Variants in FNBP1 observed in about 807,000 individuals in gnomAD.
FNBP1 encodes formin-binding protein 1.
A neutral mutation model predicts 90.6 loss-of-function variants in FNBP1; 26 were observed. The ratio of observed to expected loss-of-function variants is 0.29; its 90% CI spans 0.21 to 0.40. FNBP1 has a LOEUF of 0.40. Among genes scored for constraint, FNBP1 ranks in the 10% least tolerant of loss-of-function variants. The pLI is 1.00. For missense variants in FNBP1, 635 were observed against 768.0 expected, an observed-to-expected ratio of 0.83 and a Z score of 2.05; for synonymous variants, 260 against 265.2, an observed-to-expected ratio of 0.98 and a Z score of 0.19.
chr9:130,001,224 C>T lies in FNBP1; in HGVS notation c.25-6266G>A, dbSNP rs1047632961. On this transcript the variant is annotated intron_variant, in intron 1 of 16. Transcript: ENST00000446176. ...GCGGTCGCCTGTAATAACAGTTACT[C>T]GGGAGACTGAGATGGGAGAATTGCT... 4.0e-5 allele frequency among the ~76,000 whole-genome samples: 6 copies of T among 148,252 alleles called. No homozygotes were observed. The East Asian group carries it at 6.1e-4, about 15-fold the overall frequency.
chr9:129,901,232 G>C (rs7872816), intron 13 of FNBP1, among the ~76,000 whole-genome samples: 87,226 of 151,036 alleles, frequency 0.58, 25,352 homozygotes, highest in East Asian at 0.8. Context: ...ATGGTGAAAC[G>C]CTGTCTCTAC....
chr9:129,940,790 C>A (rs943765646), intron 6 of FNBP1, among the ~76,000 whole-genome samples: 2 of 151,868 alleles, frequency 1.3e-5, no homozygotes, highest in African/African-American at 4.8e-5. Context: ...CCACACCCAG[C>A]TAATTTTTGT....
chr9:129,969,564 C>G (rs1022880247), intron 4 of FNBP1, among the ~76,000 whole-genome samples: 1 of 152,012 alleles, frequency 6.6e-6, no homozygotes, highest in African/African-American at 2.4e-5. Context: ...AAATATTTTT[C>G]TTTCTTTTTT....
chr9:129,985,708 T>C (rs901645314), intron 2 of FNBP1, among the ~76,000 whole-genome samples: 1 of 151,914 alleles, frequency 6.6e-6, no homozygotes, highest in Non-Finnish European at 1.5e-5. Flanking sequence ...ATGCCTATAA[T>C]CCCAGCACTC....
At chr9:130,029,942 C>CCACT (rs1386778416) in intron 1 of FNBP1, among the ~76,000 whole-genome samples, 3 of 151,952 alleles carry the variant, frequency 2.0e-5, no homozygotes, top group Non-Finnish European at 4.4e-5. Flanking sequence ...CTTGATTGAG[C>CCACT]CACTGTACTC....
intron 2 of FNBP1, among the ~76,000 whole-genome samples, chr9:129,987,934 C>G (rs1278869398): frequency 2.6e-5 from 4 of 151,800 alleles, no homozygotes; most frequent in African/African-American, 4.8e-5. Context: ...ATGATTTCTA[C>G]CTAGTTACCC....
At chr9:130,050,812 GTGTTTTTTTTTTGTTTTTT>G in the FNBP1 span, among the ~76,000 whole-genome samples, 1 of 72,312 alleles carries the variant, frequency 1.4e-5, no homozygotes, top group African/African-American at 4.1e-5. Flanking sequence ...GCTAATTTTT[GTGTTTTTTTTTTGTTTTTT>G]TGTTTTTGTT....
intron 2 of FNBP1, among the ~76,000 whole-genome samples, chr9:129,987,826 C>T (rs1031668425): frequency 1.3e-5 from 2 of 151,912 alleles, no homozygotes; most frequent in African/African-American, 2.4e-5. Flanking sequence ...TAAAGCTTAG[C>T]GCATCCCTCA....
In FNBP1 at chr9:129,946,241, T is replaced by G. The variant is rs2045271575; in HGVS notation, c.513+11119A>C. On this transcript the variant is annotated intron_variant, in intron 6 of 16. Coordinates refer to ENST00000446176, the MANE Select transcript of FNBP1 (RefSeq NM_015033.3). The stretch of plus-strand genomic sequence containing the variant: ...CATCACAGAATTCTACTTTAATTCA[T>G]AAATAACTCAGGATTTCCTATTCTG... Among the ~76,000 whole-genome samples the G allele has an allele frequency of 4.6e-5, 7 of 152,326 alleles. No homozygotes were observed. In the South Asian group the frequency reaches 1.4e-3, roughly 32 times the overall value.
chr9:129,964,526 A>T (rs2048288096), intron 4 of FNBP1, among the ~76,000 whole-genome samples: 1 of 152,132 alleles, frequency 6.6e-6, no homozygotes, highest in African/African-American at 2.4e-5. Context: ...TTGAAATAAA[A>T]GTCTACACAG....
rs756819462 is a variant in FNBP1, at chr9:129,978,537, G to A, written c.273C>T (p.Ser91=). The change falls in exon 4 of 17, where the codon TCC becomes TCT. Residue 91 remains serine (S), a synonymous_variant. Transcript: ENST00000446176. ...CAATGATCTGTGATGCCATGTTCTC[G>A]GAGATAACTTCATGCTGCCCTGCGT... ...NDYAGQHEVI[S]ENMASQIIVD... is the part of the protein sequence containing the mutation. The A allele has an allele frequency of 1.9e-5, 31 of 1,613,428 alleles. No homozygotes were observed. In the Admixed American group the frequency reaches 3.7e-4, roughly 19 times the overall value.
intron 4 of FNBP1, among the ~76,000 whole-genome samples, chr9:129,963,859 C>A (rs1176927238): frequency 2.0e-5 from 3 of 152,112 alleles, no homozygotes; most frequent in African/African-American, 7.2e-5. Flanking sequence ...AAGTGATATG[C>A]CTGCCTCAGA....
intron 2 of FNBP1, among the ~76,000 whole-genome samples, chr9:129,987,277 G>A (rs1361427861): frequency 6.6e-6 from 1 of 152,046 alleles, no homozygotes; most frequent in Non-Finnish European, 1.5e-5. Context: ...AATGCCAAGA[G>A]TCAAGGAGAG....
chr9:129,955,521 C>A (rs960858524), intron 6 of FNBP1, among the ~76,000 whole-genome samples: 3 of 150,820 alleles, frequency 2.0e-5, no homozygotes, highest in Admixed American at 6.6e-5. Context: ...TAGGCATGAG[C>A]CCATACACCA....
At chr9:129,968,755 T>A (rs2048996903) in intron 4 of FNBP1, among the ~76,000 whole-genome samples, 1 of 152,224 alleles carries the variant, frequency 6.6e-6, no homozygotes, top group South Asian at 2.1e-4. Flanking sequence ...GTCTGAGGTT[T>A]ATAAACATTT....
chr9:129,896,878 G>A lies in FNBP1; in HGVS notation c.1688-882C>T, dbSNP rs181194113. On this transcript the variant is annotated intron_variant, in intron 15 of 16. Coordinates refer to ENST00000446176, the MANE Select transcript of FNBP1 (RefSeq NM_015033.3). ...ACTCCTGACCTCAGGTGATCCACCC[G>A]CCTCGGCCTCCCAAAGCGCTGGGAT... Among the ~76,000 whole-genome samples the A allele has an allele frequency of 9.9e-5, 15 of 152,260 alleles. No individual in the cohort carries two copies. The East Asian group carries it at 1.7e-3, about 18-fold the overall frequency.
chr9:130,046,580 C>CAAAAAAAAAAAAA (rs56392821), upstream of FNBP1, among the ~76,000 whole-genome samples: 53 of 66,792 alleles, frequency 7.9e-4, no homozygotes, highest in African/African-American at 1.2e-3. Flanking sequence ...ACTAAAAATA[C>CAAAAAAAAAAAAA]AAAAAAAAAA....
chr9:129,996,087 C>A (rs532376622), intron 1 of FNBP1, among the ~76,000 whole-genome samples: 1 of 152,044 alleles, frequency 6.6e-6, no homozygotes, highest in Non-Finnish European at 1.5e-5. Context: ...TTCTGCTTCC[C>A]GGAATTAAAC....
chr9:129,958,985 C>CAAAA (rs60640596), intron 4 of FNBP1, among the ~76,000 whole-genome samples: 154 of 9,154 alleles, frequency 0.017, 22 homozygotes, highest in African/African-American at 0.051. Context: ...AACTCTGCCT[C>CAAAA]AAAAAAAAAA....
Sources: allele counts gnomAD v4.1 joint callset (sites outside exome capture counted in the v4.1 genomes callset), GRCh38; gene constraint gnomAD v4.1.1; transcripts MANE v1.5; gene names NCBI Gene and HGNC (gene_info 2026-07-23, HGNC 2026-07-21).